UNC5D: variants seen among roughly 807,000 people sequenced by gnomAD.
The protein encoded by UNC5D is unc-5 netrin receptor D, also known as netrin receptor UNC5D.
A neutral mutation model predicts 105.4 loss-of-function variants in UNC5D; 39 were observed. That is an observed-to-expected ratio of 0.37 (90% CI 0.29 to 0.48). The LOEUF (loss-of-function observed/expected upper bound fraction) is 0.48, where lower values mean the gene tolerates loss of function less well. Ranked by LOEUF, UNC5D falls within the 20% of genes least tolerant of loss-of-function variation. UNC5D has a pLI of 0.98. For synonymous variants in UNC5D, 452 were observed against 450.4 expected, an observed-to-expected ratio of 1.00 and a Z score of -0.04; for missense variants, 991 against 1,202.4, an observed-to-expected ratio of 0.82 and a Z score of 2.60.
At chr8:35,663,807 A>T (rs1291078518) in intron 4 of UNC5D, among the ~76,000 whole-genome samples, 1 of 152,170 alleles carries the variant, frequency 6.6e-6, no homozygotes, top group Admixed American at 6.6e-5. Flanking sequence ...TGGTATAGTT[A>T]TTTATTTTGA....
At chr8:35,744,378 T>C (rs1829906207) in intron 11 of UNC5D, among the ~76,000 whole-genome samples, 1 of 152,226 alleles carries the variant, frequency 6.6e-6, no homozygotes, top group Admixed American at 6.5e-5. Flanking sequence ...AATGTGTAAA[T>C]AGTTATTTAT....
At chr8:35,251,046 C>T (rs1222480694) in intron 1 of UNC5D, among the ~76,000 whole-genome samples, 1 of 152,100 alleles carries the variant, frequency 6.6e-6, no homozygotes, top group Non-Finnish European at 1.5e-5. Context: ...TTTGAAGATT[C>T]CTATAATGAC....
Position 35,724,077 on chromosome 8 carries a change from C to A in UNC5D, c.1303+1682C>A, listed in dbSNP as rs548010070. 1.7e-5 allele frequency: 22 copies of A among 1,329,142 alleles called. No individual in the cohort carries two copies. The Admixed American group carries it at 2.0e-4, about 12-fold the overall frequency. The allele number at this position is 1,329,142 out of a possible 1,614,324, so 82.3% of individuals were successfully genotyped here. On this transcript the variant is annotated intron_variant, in intron 9 of 16. Coordinates refer to ENST00000404895, the MANE Select transcript of UNC5D (RefSeq NM_080872.4). ...CTCTTACCCTAGTACAGGATGCCAGCGTGTTCCGTGGAGCACCAGGCAGCA... is the reference window on the plus strand; with the variant it reads ...CTCTTACCCTAGTACAGGATGCCAGAGTGTTCCGTGGAGCACCAGGCAGCA...
intron 1 of UNC5D, among the ~76,000 whole-genome samples, chr8:35,461,063 A>G (rs1808851627): frequency 6.6e-6 from 1 of 152,176 alleles, no homozygotes; most frequent in African/African-American, 2.4e-5. Flanking sequence ...ACTTGACACT[A>G]TGTTTTGAGT....
At chr8:35,718,152 T>G (rs1828360535) in intron 8 of UNC5D, among the ~76,000 whole-genome samples, 1 of 152,024 alleles carries the variant, frequency 6.6e-6, no homozygotes, top group Non-Finnish European at 1.5e-5. Context: ...TACCACCTGG[T>G]GAGTCCTCCC....
At chr8:35,487,593 A>ACACACACACACACACACACACC (rs1415748793) in intron 1 of UNC5D, among the ~76,000 whole-genome samples, 11 of 150,472 alleles carry the variant, frequency 7.3e-5, no homozygotes, top group African/African-American at 2.7e-4. Context: ...ACACACACAC[A>ACACACACACACACACACACACC]CCCCACAGAC....
At position 35,686,630 on chromosome 8, in the gene UNC5D, AC is replaced by A; in HGVS notation, c.1010del (p.Pro337ArgfsTer11). ...TGCGGATCCGGGAGTGCACAGCACC[AC>A]CCCCGAGAAATGGGGGCAAATTCTG... ...HLRIRECTAP[P>X]PRNGGKFCEG... is the part of the protein sequence containing the mutation. On this transcript the variant is annotated frameshift_variant, in exon 7 of 17. Transcript: ENST00000404895. LOFTEE classifies it high-confidence loss of function. 6.2e-7 allele frequency: 1 copy of A among 1,607,648 alleles called. No individual in the cohort carries two copies. The highest frequency in any genetic ancestry group is 8.5e-7 in the Non-Finnish European group (1 of 1,178,242).
intron 9 of UNC5D, among the ~76,000 whole-genome samples, chr8:35,724,508 T>C (rs1216011045): frequency 6.6e-6 from 1 of 152,078 alleles, no homozygotes; most frequent in African/African-American, 2.4e-5. Flanking sequence ...TGACCAGCGG[T>C]GGGTGACTGT....
intron 1 of UNC5D, among the ~76,000 whole-genome samples, chr8:35,547,314 C>A (rs1360928101): frequency 6.2e-5 from 8 of 130,038 alleles, no homozygotes; most frequent in Admixed American, 8.4e-5. Context: ...TTAATTGAGA[C>A]AGAGTCTCAC....
chr8:35,574,716 A>C (rs1376737595), intron 3 of UNC5D, among the ~76,000 whole-genome samples: 2 of 152,156 alleles, frequency 1.3e-5, no homozygotes, highest in Non-Finnish European at 2.9e-5. Flanking sequence ...ACATCTAGGC[A>C]CATCTTCCTG....
intron 1 of UNC5D, among the ~76,000 whole-genome samples, chr8:35,489,008 A>AGT (rs1811017049): frequency 6.7e-6 from 1 of 149,628 alleles, no homozygotes; most frequent in African/African-American, 2.5e-5. Flanking sequence ...ATCTCCCCCC[A>AGT]ATTTTTTTTT....
intron 1 of UNC5D, among the ~76,000 whole-genome samples, chr8:35,311,588 C>T (rs565223716): frequency 2.6e-5 from 4 of 152,192 alleles, no homozygotes; most frequent in South Asian, 4.2e-4. Flanking sequence ...GGGTGGAGAT[C>T]ATTTGTTTCA....
chr8:35,674,860 G>C (rs1454570441), intron 4 of UNC5D, among the ~76,000 whole-genome samples: 1 of 152,072 alleles, frequency 6.6e-6, no homozygotes, highest in Non-Finnish European at 1.5e-5. Flanking sequence ...CAATCAATCA[G>C]TCTTGCTTTT....
intron 1 of UNC5D, among the ~76,000 whole-genome samples, chr8:35,299,514 G>T (rs1365882789): frequency 6.6e-6 from 1 of 152,108 alleles, no homozygotes; most frequent in East Asian, 1.9e-4. Context: ...GCTTTGTGGA[G>T]GTTGTGTTAG....
intron 1 of UNC5D, among the ~76,000 whole-genome samples, chr8:35,458,041 C>T (rs1808616781): frequency 6.6e-6 from 1 of 152,074 alleles, no homozygotes; most frequent in African/African-American, 2.4e-5. Flanking sequence ...AGTTGATCAG[C>T]TCTGTAGTGG....
chr8:35,586,929 A>G (rs1818828801), intron 3 of UNC5D, among the ~76,000 whole-genome samples: 2 of 152,212 alleles, frequency 1.3e-5, no homozygotes, highest in Non-Finnish European at 2.9e-5. Context: ...CTTGTGCTAC[A>G]ATGACTTTTC....
intron 1 of UNC5D, among the ~76,000 whole-genome samples, chr8:35,463,344 A>G (rs1047686499): frequency 4.6e-5 from 7 of 152,144 alleles, no homozygotes; most frequent in African/African-American, 1.7e-4. Flanking sequence ...TGGAAATACG[A>G]CAGTTTTAAA....
chr8:35,738,492 ATC>A (rs1829588289), intron 11 of UNC5D, among the ~76,000 whole-genome samples: 1 of 152,218 alleles, frequency 6.6e-6, no homozygotes, highest in African/African-American at 2.4e-5. Context: ...TGTAGAGTTC[ATC>A]TCTTTTTGTT....
chr8:35,559,513 G>C (rs7016526), intron 2 of UNC5D, among the ~76,000 whole-genome samples: 34,397 of 152,172 alleles, frequency 0.23, 5,993 homozygotes, highest in African/African-American at 0.47. Context: ...AACCACAGCA[G>C]GATGCTGCTG....
Sources: gnomAD v4.1 joint callset for allele counts (sites outside exome capture counted in the v4.1 genomes callset) on GRCh38, gnomAD v4.1.1 for gene constraint, MANE v1.5 for transcripts, NCBI Gene and HGNC (gene_info 2026-07-23, HGNC 2026-07-21) for gene names.